The following HERC4 variants were observed in gnomAD, a reference collection of about 807,000 sequenced individuals.
The protein encoded by HERC4 is probable E3 ubiquitin-protein ligase HERC4.
HERC4 carries 28 observed loss-of-function variants against 124.3 expected under a neutral mutation model. That is an observed-to-expected ratio of 0.23 (90% CI 0.17 to 0.31). The LOEUF (loss-of-function observed/expected upper bound fraction) is 0.31, where lower values mean the gene tolerates loss of function less well. HERC4 is among the 10% of genes least tolerant of loss of function. The pLI, the probability that HERC4 is intolerant of heterozygous loss-of-function variation, is 1.00. For synonymous variants in HERC4, 407 were observed against 421.5 expected, an observed-to-expected ratio of 0.97 and a Z score of 0.42; for missense variants, 713 against 1,229.3, an observed-to-expected ratio of 0.58 and a Z score of 6.28.
At chr10:68,029,014 T>C (rs1456183641) in intron 7 of HERC4, among the ~76,000 whole-genome samples, 1 of 151,442 alleles carries the variant, frequency 6.6e-6, no homozygotes, top group African/African-American at 2.4e-5. Flanking sequence ...CTACAAAAAA[T>C]AAAAAATAAA....
Position 68,059,522 on chromosome 10 carries a change from A to AATATTATATATCATATTATATATC in HERC4, c.226+13360_226+13361insGATATATAATATGATATATAATAT, listed in dbSNP as rs1339936883. On this transcript the variant is annotated intron_variant, in intron 3 of 24. Coordinates refer to ENST00000373700, the MANE Select transcript of HERC4 (RefSeq NM_015601.4). Reference sequence around the variant, plus strand: ...TATATATTATAATATTATATATCATAATAATATTATATATCATATTATATA... The same window carrying AATATTATATATCATATTATATATC: ...TATATATTATAATATTATATATCATAATATTATATATCATATTATATATCATAATATTATATATCATATTATATA... 3.7e-5 allele frequency among the ~76,000 whole-genome samples: 3 copies of AATATTATATATCATATTATATATC among 80,664 alleles called. 1 individual carries two copies. The highest frequency in any genetic ancestry group is 1.4e-4 in the African/African-American group (3 of 21,452). 52.9% of individuals were successfully genotyped at this position (80,664 alleles called of 152,430 possible).
intron 9 of HERC4, among the ~76,000 whole-genome samples, chr10:67,996,874 G>A (rs1357230410): frequency 1.3e-5 from 2 of 151,996 alleles, no homozygotes; most frequent in Non-Finnish European, 2.9e-5. Flanking sequence ...TGTAGTCCCG[G>A]CTACTTGGGA....
At chr10:67,972,244 A>G (rs7086373) in intron 15 of HERC4, among the ~76,000 whole-genome samples, 11,244 of 146,962 alleles carry the variant, frequency 0.077, 1,190 homozygotes, top group African/African-American at 0.23. Context: ...AAAAAAGGCC[A>G]GGCACGGTGG....
In HERC4 at chr10:67,927,407, TATATATATATATATATATATA is replaced by T. The variant is rs1245434136; in HGVS notation, c.2839-2241_2839-2221del. On this transcript the variant is annotated intron_variant, in intron 23 of 24. Coordinates refer to ENST00000373700, the MANE Select transcript of HERC4 (RefSeq NM_015601.4). ...ATATATATATATATATATATATATA[TATATATATATATATATATATA>T]TATTTTTTTTTTTTTTTAGATAGAG... Among the ~76,000 whole-genome samples, 55 of 10,704 alleles carry T rather than the reference TATATATATATATATATATATA, an allele frequency of 5.1e-3. 2 individuals carry two copies. Among genetic ancestry groups the T allele is most frequent in the African/African-American group, 0.01 (39 of 3,792 alleles). The allele number at this position is 10,704 out of a possible 152,430, so 7.0% of individuals were successfully genotyped here.
At chr10:67,963,238 A>T (rs1336480325) in intron 16 of HERC4, among the ~76,000 whole-genome samples, 2 of 152,078 alleles carry the variant, frequency 1.3e-5, no homozygotes, top group East Asian at 3.8e-4. Context: ...ATTTTTTGAG[A>T]TGGAGTCTCA....
chr10:68,038,937 A>C (rs2039617178), intron 4 of HERC4, among the ~76,000 whole-genome samples: 1 of 152,032 alleles, frequency 6.6e-6, no homozygotes, highest in East Asian at 1.9e-4. Context: ...CCATCCCAGC[A>C]TCTCCATTGG....
chr10:67,975,493 G>A (rs1292267113), intron 15 of HERC4, among the ~76,000 whole-genome samples: 1 of 151,978 alleles, frequency 6.6e-6, no homozygotes, highest in Non-Finnish European at 1.5e-5. Context: ...GGGATTACAG[G>A]TGCCCACCAC....
At chr10:68,001,404 T>C (rs2037223935) in intron 9 of HERC4, among the ~76,000 whole-genome samples, 1 of 151,946 alleles carries the variant, frequency 6.6e-6, no homozygotes. Context: ...TGTTTACCCA[T>C]GGCACTGGCC....
At chr10:67,939,211 C>A (rs549637700) in intron 21 of HERC4, among the ~76,000 whole-genome samples, 2 of 152,150 alleles carry the variant, frequency 1.3e-5, no homozygotes, top group Admixed American at 1.3e-4. Context: ...TTCTCTAAAG[C>A]ACTTCTGTAA....
At chr10:68,047,929 G>T (rs904932803) in intron 3 of HERC4, among the ~76,000 whole-genome samples, 8 of 145,514 alleles carry the variant, frequency 5.5e-5, no homozygotes, top group African/African-American at 1.0e-4. Context: ...TTTTGTTTTT[G>T]TTTTTTTTTT....
chr10:68,000,445 G>A (rs545075872), intron 9 of HERC4, among the ~76,000 whole-genome samples: 1 of 152,168 alleles, frequency 6.6e-6, no homozygotes, highest in Admixed American at 6.6e-5. Context: ...TGGGTGTGGT[G>A]GCATGCACCT....
intron 15 of HERC4, among the ~76,000 whole-genome samples, chr10:67,979,119 T>C (rs907176080): frequency 1.3e-5 from 2 of 152,086 alleles, no homozygotes; most frequent in Admixed American, 6.5e-5. Flanking sequence ...CAGGAAAACA[T>C]GACCTCACCA....
intron 15 of HERC4, among the ~76,000 whole-genome samples, chr10:67,972,554 A>G: frequency 7.8e-6 from 1 of 128,418 alleles, no homozygotes; most frequent in African/African-American, 2.9e-5. Context: ...AAAAAAAAAA[A>G]AGAATTTCTC....
At position 67,932,789 on chromosome 10, in the gene HERC4, G is replaced by GA. The variant is rs760407276; in HGVS notation, c.2655-10dup. 6.3e-7 allele frequency: 1 copy of GA among 1,578,594 alleles called. No individual in the cohort carries two copies. The highest frequency in any genetic ancestry group is 1.7e-4 in the Middle Eastern group (1 of 5,958). ...CATCGACAAACTCTTGCCTAGAAAT[G>GA]AAAAAGCACACATGTACAGATTATA... On this transcript the variant is annotated splice_polypyrimidine_tract_variant and intron_variant, in intron 22 of 24. Transcript: ENST00000373700.
At chr10:67,941,669 CTTTTT>C (rs755666986) in intron 19 of HERC4, among the ~76,000 whole-genome samples, 1 of 91,762 alleles carries the variant, frequency 1.1e-5, no homozygotes, top group Non-Finnish European at 2.1e-5. Context: ...TAAAACACAA[CTTTTT>C]TTTTTTTTTT....
chr10:67,963,833 C>T (rs1043915965), intron 16 of HERC4, among the ~76,000 whole-genome samples: 4 of 152,108 alleles, frequency 2.6e-5, no homozygotes, highest in Admixed American at 6.5e-5. Flanking sequence ...CTCTTTTATA[C>T]TGCAATATCT....
chr10:67,998,175 G>A (rs2132883110), intron 9 of HERC4, among the ~76,000 whole-genome samples: 1 of 151,988 alleles, frequency 6.6e-6, no homozygotes, highest in Middle Eastern at 3.4e-3. Context: ...GGGATTACAG[G>A]TGTGAGCCAG....
chr10:68,072,024 T>A (rs1224968503), intron 3 of HERC4, among the ~76,000 whole-genome samples: 1 of 152,126 alleles, frequency 6.6e-6, no homozygotes, highest in Non-Finnish European at 1.5e-5. Flanking sequence ...AATAAACTGA[T>A]AAAATAACTG....
intron 3 of HERC4, among the ~76,000 whole-genome samples, chr10:68,055,528 T>C (rs2040505640): frequency 2.6e-5 from 4 of 152,226 alleles, no homozygotes; most frequent in Admixed American, 2.6e-4. Context: ...AAAGAGCTTA[T>C]GTGCCTGGCA....
Sources: gnomAD v4.1 joint callset for allele counts (sites outside exome capture counted in the v4.1 genomes callset) on GRCh38, gnomAD v4.1.1 for gene constraint, MANE v1.5 for transcripts, NCBI Gene and HGNC (gene_info 2026-07-23, HGNC 2026-07-21) for gene names.